Variants in CENPW observed in about 807,000 individuals in gnomAD.
CENPW encodes centromere protein W, also known as cancer-up-regulated gene 2 protein.
CENPW carries 3 observed loss-of-function variants against 11.1 expected under a neutral mutation model. The ratio of observed to expected loss-of-function variants is 0.27; its 90% CI spans 0.12 to 0.70. The LOEUF (loss-of-function observed/expected upper bound fraction) is 0.70, where lower values mean the gene tolerates loss of function less well. Ranked by LOEUF, CENPW falls within the 30% of genes least tolerant of loss-of-function variation. CENPW has a pLI of 0.77. For synonymous variants in CENPW, 38 were observed against 42.0 expected, an observed-to-expected ratio of 0.91 and a Z score of 0.37; for missense variants, 100 against 105.6, an observed-to-expected ratio of 0.95 and a Z score of 0.23.
the CENPW span, among the ~76,000 whole-genome samples, chr6:126,440,395 C>G: frequency 6.6e-6 from 1 of 151,556 alleles, no homozygotes; most frequent in Non-Finnish European, 1.5e-5. Flanking sequence ...GCAAGTGCCA[C>G]TAGGAGTTAT....
At chr6:126,408,876 A>T in the CENPW span, among the ~76,000 whole-genome samples, 1 of 151,862 alleles carries the variant, frequency 6.6e-6, no homozygotes, top group African/African-American at 2.4e-5. Flanking sequence ...CCCTAGTCTA[A>T]GTAAAGACTG....
chr6:126,367,862 A>G, the CENPW span, among the ~76,000 whole-genome samples: 3 of 152,224 alleles, frequency 2.0e-5, no homozygotes, highest in African/African-American at 7.2e-5. Context: ...AAAATTACAT[A>G]AAGTGTTTGT....
chr6:126,386,074 T>TAATAA, the CENPW span, among the ~76,000 whole-genome samples: 3 of 152,088 alleles, frequency 2.0e-5, no homozygotes, highest in Admixed American at 2.0e-4. Context: ...AAAGGAATTA[T>TAATAA]CCTTCGGAGT....
At chr6:126,413,708 A>T in the CENPW span, among the ~76,000 whole-genome samples, 1 of 151,946 alleles carries the variant, frequency 6.6e-6, no homozygotes, top group Non-Finnish European at 1.5e-5. Context: ...TCTGATCACC[A>T]TAAAAAAAAC....
chr6:126,481,324 A>G, the CENPW span, among the ~76,000 whole-genome samples: 1 of 151,974 alleles, frequency 6.6e-6, no homozygotes, highest in Middle Eastern at 3.4e-3. Context: ...GGATCTTTTG[A>G]TAGGCATATT....
the CENPW span, among the ~76,000 whole-genome samples, chr6:126,400,924 T>G: frequency 6.6e-6 from 1 of 152,142 alleles, no homozygotes; most frequent in Non-Finnish European, 1.5e-5. Flanking sequence ...CAGAAATTCT[T>G]GGTGTGAATA....
chr6:126,475,746 T>C, the CENPW span, among the ~76,000 whole-genome samples: 10 of 152,036 alleles, frequency 6.6e-5, no homozygotes, highest in African/African-American at 2.4e-4. Flanking sequence ...TATGTAAACA[T>C]TGACATAGGG....
the CENPW span, among the ~76,000 whole-genome samples, chr6:126,474,462 G>C: frequency 6.6e-6 from 1 of 152,154 alleles, no homozygotes; most frequent in South Asian, 2.1e-4. Context: ...CTAAGGACGT[G>C]GAGGTTTGCT....
At chr6:126,366,597 TATATC>T in the CENPW span, among the ~76,000 whole-genome samples, 16 of 152,186 alleles carry the variant, frequency 1.1e-4, no homozygotes, top group African/African-American at 3.9e-4. Context: ...TTTTAAAATA[TATATC>T]ATATACTCAA....
chr6:126,461,953 A>G, the CENPW span, among the ~76,000 whole-genome samples: 1 of 151,970 alleles, frequency 6.6e-6, no homozygotes, highest in Non-Finnish European at 1.5e-5. Flanking sequence ...CATTTCTAAC[A>G]ACATTGTAAG....
At chr6:126,468,823 C>A in the CENPW span, among the ~76,000 whole-genome samples, 1 of 151,920 alleles carries the variant, frequency 6.6e-6, no homozygotes, top group Non-Finnish European at 1.5e-5. Context: ...TTTTTTATTT[C>A]TTGAGATGGA....
chr6:126,406,477 G>A, the CENPW span, among the ~76,000 whole-genome samples: 2 of 151,854 alleles, frequency 1.3e-5, no homozygotes, highest in Admixed American at 1.3e-4. Flanking sequence ...AGTAATGCTT[G>A]TGTCACAGAA....
the CENPW span, among the ~76,000 whole-genome samples, chr6:126,427,794 T>G: frequency 1.2e-4 from 19 of 152,344 alleles, no homozygotes; most frequent in South Asian, 3.9e-3. Context: ...GTTTGCATAG[T>G]GAGTGTTAGG....
chr6:126,391,740 G>A, the CENPW span, among the ~76,000 whole-genome samples: 2 of 151,774 alleles, frequency 1.3e-5, no homozygotes, highest in African/African-American at 4.8e-5. Flanking sequence ...CCTTTCCCCA[G>A]TGTATGTTTT....
At chr6:126,350,571 C>G (rs890170986), downstream of CENPW, among the ~76,000 whole-genome samples, 3 of 152,134 alleles carry the variant, frequency 2.0e-5, no homozygotes, top group African/African-American at 7.2e-5. Flanking sequence ...TTGGGGGACA[C>G]AAACATTTAG....
At chr6:126,388,044 T>G in the CENPW span, among the ~76,000 whole-genome samples, 1 of 151,864 alleles carries the variant, frequency 6.6e-6, no homozygotes, top group Non-Finnish European at 1.5e-5. Context: ...CCATATACAG[T>G]AGCACAAAAG....
At chr6:126,422,466 G>A in the CENPW span, among the ~76,000 whole-genome samples, 8 of 151,902 alleles carry the variant, frequency 5.3e-5, no homozygotes, top group Admixed American at 2.0e-4. Context: ...TCATCCTCAC[G>A]TGGCGTTTTC....
chr6:126,455,032 C>G, the CENPW span, among the ~76,000 whole-genome samples: 80 of 151,380 alleles, frequency 5.3e-4, 1 homozygote, highest in African/African-American at 1.6e-3. Flanking sequence ...GAAATTCAAT[C>G]CCTGAACAGA....
the CENPW span, among the ~76,000 whole-genome samples, chr6:126,376,155 A>T: frequency 6.6e-6 from 1 of 152,170 alleles, no homozygotes; most frequent in Non-Finnish European, 1.5e-5. Flanking sequence ...GTCTTACTTG[A>T]TACTGAGGCG....
Sources: allele counts gnomAD v4.1 joint callset (sites outside exome capture counted in the v4.1 genomes callset), GRCh38; gene constraint gnomAD v4.1.1; transcripts MANE v1.5; gene names NCBI Gene and HGNC (gene_info 2026-07-23, HGNC 2026-07-21).